SRPX: variants seen among roughly 807,000 people sequenced by gnomAD.
The protein encoded by SRPX is sushi repeat-containing protein SRPX.
A neutral mutation model predicts 38.1 loss-of-function variants in SRPX; 24 were observed. The observed-to-expected ratio is 0.63, with a 90% CI of 0.46 to 0.89. SRPX has a LOEUF of 0.89. SRPX is among the 40% of genes least tolerant of loss of function. The pLI is 0.00. For missense variants in SRPX, 416 were observed against 377.8 expected, an observed-to-expected ratio of 1.10 and a Z score of -0.84; for synonymous variants, 184 against 153.8, an observed-to-expected ratio of 1.20 and a Z score of -1.45.
At chrX:38,200,847 G>A (rs1348021397) in intron 1 of SRPX, among the ~76,000 whole-genome samples, 2 of 111,942 alleles carry the variant, frequency 1.8e-5, no homozygotes, top group Non-Finnish European at 3.8e-5. Context: ...TCAAACCACA[G>A]TAAACATACA....
chrX:38,186,781 G>A (rs1002599592), intron 1 of SRPX, among the ~76,000 whole-genome samples: 2 of 111,738 alleles, frequency 1.8e-5, no homozygotes, highest in Non-Finnish European at 3.8e-5. Flanking sequence ...GCCAATGTTT[G>A]ATTGATATGG....
Position 38,156,937 on chromosome X carries a change from C to T in SRPX, c.1048G>A (p.Ala350Thr), listed in dbSNP as rs749287197. Residue 350 changes from alanine to threonine, a missense_variant, in exon 8 of 10, where the codon GCC becomes ACC. Physicochemically the swap from Ala to Thr is moderately conservative, Grantham distance 58 (BLOSUM62 0). Coordinates refer to ENST00000378533, the MANE Select transcript of SRPX (RefSeq NM_006307.5). The stretch of plus-strand genomic sequence containing the variant: ...TGGAGCCGGTAAAGGAGGTTTCGGG[C>T]TGTGGGTGTGGACACAATGAGGAGT... ...RRLLIVSTPT[A>T]RNLLYRLQLG... The T allele has an allele frequency of 5.8e-6, 7 of 1,209,888 alleles. No individual in the cohort carries two copies. The African/African-American group carries it at 7.0e-5, about 12-fold the overall frequency.
intron 9 of SRPX, among the ~76,000 whole-genome samples, chrX:38,150,825 A>C (rs541860529): frequency 1.6e-4 from 18 of 112,385 alleles, no homozygotes; most frequent in African/African-American, 5.5e-4. Context: ...CTAGAATTTA[A>C]ACTAAAAAAT....
At chrX:38,191,836 T>C (rs1316991536) in intron 1 of SRPX, among the ~76,000 whole-genome samples, 1 of 112,297 alleles carries the variant, frequency 8.9e-6, no homozygotes, top group Non-Finnish European at 1.9e-5. Context: ...ACAATTGTAT[T>C]ACACACCTTA....
In SRPX at chrX:38,164,702, C is replaced by T. The variant is rs747204449; in HGVS notation, c.653+67G>A. 2.0e-3 allele frequency: 2,273 copies of T among 1,156,915 alleles called. 3 individuals are homozygous for T. Among genetic ancestry groups the T allele is most frequent in the Non-Finnish European group, 2.6e-3 (2,192 of 858,183 alleles). On this transcript the variant is annotated intron_variant, in intron 5 of 9. Coordinates refer to ENST00000378533, the MANE Select transcript of SRPX (RefSeq NM_006307.5). ...AATAGACCAGCATATATACACTCCC[C>T]TACTCTGGGTAGTAAACATCTCACA...
chrX:38,159,865 A>G, intron 7 of SRPX, 152 bp downstream of exon 7: 1 of 588,397 alleles, frequency 1.7e-6, no homozygotes, highest in Non-Finnish European at 2.6e-6. Context: ...GATGAGCTGC[A>G]GCAGGGATCT....
intron 1 of SRPX, among the ~76,000 whole-genome samples, chrX:38,181,679 C>T (rs1368451319): frequency 8.9e-6 from 1 of 111,949 alleles, no homozygotes; most frequent in Non-Finnish European, 1.9e-5. Flanking sequence ...TGCTCCAGCC[C>T]TTCCAATTTT....
chrX:38,161,152 G>A lies in SRPX; in HGVS notation c.654-98C>T, dbSNP rs185121602. On this transcript the variant is annotated intron_variant, in intron 5 of 9. Coordinates refer to ENST00000378533, the MANE Select transcript of SRPX (RefSeq NM_006307.5). ...TTTACAGGACATGGAGAGACTGAGG[G>A]GCAACCATTAGACCAGTTTAAATAA... The A allele has an allele frequency of 9.2e-6, 9 of 975,704 alleles. No homozygotes were observed. In the East Asian group the frequency reaches 2.2e-4, roughly 24 times the overall value. 80.4% of individuals were successfully genotyped at this position (975,704 alleles called of 1,213,427 possible).
chrX:38,190,039 C>T (rs944158551), intron 1 of SRPX, among the ~76,000 whole-genome samples: 3 of 112,068 alleles, frequency 2.7e-5, no homozygotes, highest in Non-Finnish European at 3.8e-5. Context: ...AATAAAGCTG[C>T]GACTGGTACG....
intron 4 of SRPX, among the ~76,000 whole-genome samples, chrX:38,165,602 A>T (rs978679069): frequency 8.9e-6 from 1 of 112,349 alleles, no homozygotes; most frequent in African/African-American, 3.2e-5. Flanking sequence ...CAAAGAACTT[A>T]AATGATTTAT....
At chrX:38,195,468 G>C (rs775725135) in intron 1 of SRPX, among the ~76,000 whole-genome samples, 15 of 107,019 alleles carry the variant, frequency 1.4e-4, no homozygotes, top group African/African-American at 5.1e-4. Flanking sequence ...TTTTCAAGCA[G>C]AGCAATTAAA....
intron 2 of SRPX, among the ~76,000 whole-genome samples, chrX:38,177,199 C>T (rs1425328173): frequency 1.8e-5 from 2 of 111,511 alleles, no homozygotes; most frequent in East Asian, 2.8e-4. Context: ...CTTTCCTTAC[C>T]CCAAGCATCT....
At chrX:38,202,763 G>A (rs745676596) in intron 1 of SRPX, among the ~76,000 whole-genome samples, 12 of 112,130 alleles carry the variant, frequency 1.1e-4, no homozygotes, top group South Asian at 7.4e-4. Context: ...CAAAAAGCAC[G>A]AACTATCAAA....
At chrX:38,217,470 C>T (rs1939438901) in intron 1 of SRPX, among the ~76,000 whole-genome samples, 1 of 111,072 alleles carries the variant, frequency 9.0e-6, no homozygotes, top group Non-Finnish European at 1.9e-5. Context: ...GACTCAGGTT[C>T]TATAAGGATA....
At chrX:38,172,167 A>T (rs1180338768) in intron 3 of SRPX, 110 bp from the exon 4 acceptor site, 2 of 881,313 alleles carry the variant, frequency 2.3e-6, no homozygotes, top group Non-Finnish European at 3.1e-6. Flanking sequence ...ATTTAAATAT[A>T]AGAAGGCCAG....
At chrX:38,152,841 A>G (rs1254916134) in intron 9 of SRPX, among the ~76,000 whole-genome samples, 3 of 112,391 alleles carry the variant, frequency 2.7e-5, no homozygotes, top group Non-Finnish European at 3.8e-5. Context: ...GACACAGGAT[A>G]TGAGCAAGTA....
rs765961175 is a variant in SRPX at position 38,178,351 on chromosome X, T to G, written c.98-7A>C. 4 of 1,203,210 alleles carry G rather than the reference T, an allele frequency of 3.3e-6. No homozygotes were observed. The African/African-American group carries it at 7.1e-5, about 21-fold the overall frequency. Reference sequence around the variant, plus strand: ...AGTGGTGAGTCTCCCGATCCTACAATAAAAAAGAACAGAAACTGCAGCAAG... The same window carrying G: ...AGTGGTGAGTCTCCCGATCCTACAAGAAAAAAGAACAGAAACTGCAGCAAG... On this transcript the variant is annotated splice_polypyrimidine_tract_variant and splice_region_variant and intron_variant, in intron 1 of 9. Coordinates refer to ENST00000378533, the MANE Select transcript of SRPX (RefSeq NM_006307.5).
chrX:38,171,969 A>G lies in SRPX; in HGVS notation c.438T>C (p.Tyr146=). Reference sequence around the variant, plus strand: ...CTTTCAACGTGTATCCTGGTGAACAATAATACTCACACCGGGAGTTAAAGT... The same window carrying G: ...CTTTCAACGTGTATCCTGGTGAACAGTAATACTCACACCGGGAGTTAAAGT... The part of the protein sequence containing the change: ...GAYFNSRCEY[Y]CSPGYTLKGE... Residue 146 remains tyrosine, a synonymous_variant, in exon 4 of 10, where the codon TAT becomes TAC. Transcript: ENST00000378533. 8.3e-7 allele frequency: 1 copy of G among 1,211,534 alleles called. No individual in the cohort carries two copies. The highest frequency in any genetic ancestry group is 1.1e-6 in the Non-Finnish European group (1 of 895,208).
At position 38,197,532 on chromosome X, in the gene SRPX, G is replaced by T. The variant is rs188205497; in HGVS notation, c.98-19188C>A. On this transcript the variant is annotated intron_variant, in intron 1 of 9. Transcript: ENST00000378533. ...ATACAATGCATAATGATTAAATTGG[G>T]GTAATTTACATATCTATCACCTCAA... Among the ~76,000 whole-genome samples, 919 of 111,384 alleles carry T rather than the reference G, an allele frequency of 8.3e-3. 7 individuals are homozygous for T. Among genetic ancestry groups the T allele is most frequent in the Admixed American group, 0.015 (157 of 10,510 alleles).
Sources: gnomAD v4.1 joint callset for allele counts (sites outside exome capture counted in the v4.1 genomes callset) on GRCh38, gnomAD v4.1.1 for gene constraint, MANE v1.5 for transcripts, NCBI Gene and HGNC (gene_info 2026-07-23, HGNC 2026-07-21) for gene names.